MME: variants seen among roughly 807,000 people sequenced by gnomAD.
The protein encoded by MME is membrane metalloendopeptidase.
In MME, 98 loss-of-function variants were observed where a neutral mutation model predicts 113.2. That is an observed-to-expected ratio of 0.87 (90% CI 0.74 to 1.02). The LOEUF (loss-of-function observed/expected upper bound fraction) is 1.02, where lower values mean the gene tolerates loss of function less well. Ranked by LOEUF, MME falls within the 50% of genes least tolerant of loss-of-function variation. The pLI is 0.00. For missense variants in MME, 836 were observed against 896.0 expected (o/e 0.93, Z 0.86); for synonymous variants, 292 against 300.6 (o/e 0.97, Z 0.30).
At chr3:155,087,733 A>C (rs1279098733) in intron 3 of MME, among the ~76,000 whole-genome samples, 1 of 151,576 alleles carries the variant, frequency 6.6e-6, no homozygotes, top group East Asian at 1.9e-4. Flanking sequence ...CTTGAATTTT[A>C]TTTTCGAAGA....
rs1559970792 is a variant in MME, at chr3:155,180,347, GT to G, written c.2154-10del. On this transcript the variant is annotated splice_polypyrimidine_tract_variant and intron_variant, in intron 22 of 22. Transcript: ENST00000360490. Reference sequence around the variant, plus strand: ...TCAAATGCTGACGGTGACTTTTTTTGTTTGTTTCAAAGGATTATTGGGACTT... The same window carrying G: ...TCAAATGCTGACGGTGACTTTTTTTGTTGTTTCAAAGGATTATTGGGACTT... 1.8e-5 allele frequency: 29 copies of G among 1,608,024 alleles called. No individual in the cohort carries two copies. The highest frequency in any genetic ancestry group is 2.3e-5 in the Non-Finnish European group (27 of 1,174,620).
Position 155,147,144 on chromosome 3 carries a change from G to T in MME, c.1417G>T (p.Ala473Ser). ...ACATTCAATATTATAATTTTCATAG[G>T]CCTTAGCAATTAAAGAAAGGATCGG... ...AETKKRAEEK[A>S]LAIKERIGYP... is the part of the protein sequence containing the mutation. Residue 473 changes from alanine (A) to serine (S), a missense_variant and splice_region_variant, in exon 15 of 23, where the codon GCC (alanine) becomes TCC (serine). Ala to Ser is a moderately conservative substitution (Grantham distance 99). Transcript: ENST00000360490. 6.3e-7 allele frequency: 1 copy of T among 1,584,294 alleles called. No individual in the cohort carries two copies. The highest frequency in any genetic ancestry group is 1.1e-5 in the South Asian group (1 of 90,452).
At position 155,031,225 on chromosome 3, in the gene MME, C is replaced by G. The variant is rs542754775; in HGVS notation, c.-11+6901C>G. On this transcript the variant is annotated intron_variant, in intron 1 of 22. Transcript: ENST00000492661. ...ATCATCTGATATTAGGTCAATAAAT[C>G]ATAAGTGTCATTTATTAATTCCAGT... is the stretch of plus-strand genomic sequence containing the variant. 3.3e-5 allele frequency among the ~76,000 whole-genome samples: 5 copies of G among 152,180 alleles called. No individual in the cohort carries two copies. The South Asian group carries it at 8.3e-4, about 25-fold the overall frequency.
chr3:155,167,829 TG>T (rs1576667750), intron 18 of MME, among the ~76,000 whole-genome samples: 1 of 152,180 alleles, frequency 6.6e-6, no homozygotes, highest in East Asian at 1.9e-4. Flanking sequence ...ATGAAAGATT[TG>T]CCCAAAGGTA....
chr3:155,126,838 A>G (rs568431060), intron 8 of MME, among the ~76,000 whole-genome samples: 1 of 152,054 alleles, frequency 6.6e-6, no homozygotes, highest in Admixed American at 6.6e-5. Context: ...CATCTCTACT[A>G]AAAATACAAA....
At chr3:155,166,756 C>A in intron 17 of MME, 146 bp from the exon 18 acceptor site, 3 of 1,018,534 alleles carry the variant, frequency 2.9e-6, no homozygotes, top group Non-Finnish European at 4.5e-6. Context: ...CAAAGCCAAC[C>A]CCAAGCCTGC....
rs1718849556 is a variant in MME at position 155,118,827 on chromosome 3, A to T, written c.720+16A>T. The T allele has an allele frequency of 2.0e-6, 3 of 1,511,848 alleles. No homozygotes were observed. The highest frequency in any genetic ancestry group is 2.7e-6 in the Non-Finnish European group (3 of 1,095,050). 93.7% of individuals were successfully genotyped at this position (1,511,848 alleles called of 1,614,324 possible). A position where few individuals can be genotyped will look rare whatever the true frequency, so the allele number is the denominator to read the frequency against. On this transcript the variant is annotated intron_variant, in intron 8 of 22. Coordinates refer to ENST00000360490, the MANE Select transcript of MME (RefSeq NM_007289.4). ...CTATAAAGAGGTAAAAAGAAAAAAA[A>T]TAATCAAAACCAAACTACAAAATGA...
intron 7 of MME, among the ~76,000 whole-genome samples, chr3:155,118,273 C>A (rs1718793053): frequency 6.6e-6 from 1 of 152,140 alleles, no homozygotes; most frequent in Non-Finnish European, 1.5e-5. Context: ...CCCCATCCAT[C>A]CAAATCAACT....
upstream of MME, among the ~76,000 whole-genome samples, chr3:155,078,187 C>T (rs902676026): frequency 2.0e-5 from 3 of 152,080 alleles, no homozygotes; most frequent in African/African-American, 7.2e-5. Flanking sequence ...CACACCACTG[C>T]ACTCCAGCCT....
At position 155,172,105 on chromosome 3, in the gene MME, T is replaced by G; in HGVS notation, c.1981-12T>G. The G allele has an allele frequency of 1.3e-6, 2 of 1,483,548 alleles. No homozygotes were observed. Among genetic ancestry groups the G allele is most frequent in the Non-Finnish European group, 1.9e-6 (2 of 1,062,106 alleles). 91.9% of individuals were successfully genotyped at this position (1,483,548 alleles called of 1,614,324 possible). On this transcript the variant is annotated splice_polypyrimidine_tract_variant and intron_variant, in intron 20 of 22. Coordinates refer to ENST00000360490, the MANE Select transcript of MME (RefSeq NM_007289.4). ...TTAATATTATTGTTTTTCTATTTTA[T>G]CAACTGCCTAGGCCTATCAGAATTA...
chr3:155,115,079 T>C lies in MME; in HGVS notation c.282T>C (p.Arg94=). The change falls in exon 4 of 23, where the codon CGT becomes CGC. Residue 94 remains arginine (R), a synonymous_variant. Coordinates refer to ENST00000360490, the MANE Select transcript of MME (RefSeq NM_007289.4). ...ATGCTTGCGGAGGCTGGTTGAAACGTAATGTCATTCCCGAGACCAGCTCCC... is the reference window on the plus strand; with the variant it reads ...ATGCTTGCGGAGGCTGGTTGAAACGCAATGTCATTCCCGAGACCAGCTCCC... The part of the protein sequence containing the change: ...FKYACGGWLK[R]NVIPETSSRY... 1.2e-6 allele frequency: 2 copies of C among 1,614,170 alleles called. No individual in the cohort carries two copies. The highest frequency in any genetic ancestry group is 1.7e-6 in the Non-Finnish European group (2 of 1,180,022).
chr3:155,067,773 TTGAC>T (rs1714433433), intron 1 of MME, among the ~76,000 whole-genome samples: 1 of 152,144 alleles, frequency 6.6e-6, no homozygotes, highest in Non-Finnish European at 1.5e-5. Context: ...ACTAAAAAGA[TTGAC>T]TGTACCAAGA....
chr3:155,084,489 A>G, intron 2 of MME, 162 bp downstream of exon 2: 1 of 737,560 alleles, frequency 1.4e-6, no homozygotes, highest in Non-Finnish European at 2.3e-6. Flanking sequence ...CAAAATAATT[A>G]ACTTTGAAGT....
chr3:155,110,555 AG>A (rs1234712821), intron 3 of MME, among the ~76,000 whole-genome samples: 1 of 152,248 alleles, frequency 6.6e-6, no homozygotes, highest in African/African-American at 2.4e-5. Context: ...CAAGAAGATT[AG>A]TTAGAAAGAA....
intron 8 of MME, among the ~76,000 whole-genome samples, chr3:155,124,770 G>A (rs1164506371): frequency 1.3e-5 from 2 of 151,964 alleles, no homozygotes; most frequent in African/African-American, 2.4e-5. Context: ...GAGGCAGTCT[G>A]CCGGTTCTCA....
At chr3:155,172,419 A>G in intron 21 of MME, 117 bp from the exon 22 acceptor site, 1 of 890,298 alleles carries the variant, frequency 1.1e-6, no homozygotes, top group Non-Finnish European at 1.9e-6. Flanking sequence ...TGAAGAGCGA[A>G]TGGTTGAGGA....
intron 7 of MME, among the ~76,000 whole-genome samples, chr3:155,118,129 G>T (rs1250157184): frequency 6.6e-6 from 1 of 152,196 alleles, no homozygotes; most frequent in Non-Finnish European, 1.5e-5. Flanking sequence ...GAGCAGAGCA[G>T]CTTTGAGGAG....
chr3:155,037,549 C>T (rs1023570514), intron 1 of MME, among the ~76,000 whole-genome samples: 8 of 151,816 alleles, frequency 5.3e-5, no homozygotes, highest in Admixed American at 1.3e-4. Flanking sequence ...TCACAGAGAA[C>T]GGGGGTAGGA....
At chr3:155,047,928 G>A (rs1713616032) in intron 1 of MME, among the ~76,000 whole-genome samples, 1 of 152,150 alleles carries the variant, frequency 6.6e-6, no homozygotes, top group South Asian at 2.1e-4. Context: ...TGTTGCTCAT[G>A]TATTTATGGT....
Sources: allele counts gnomAD v4.1 joint callset (sites outside exome capture counted in the v4.1 genomes callset), GRCh38; gene constraint gnomAD v4.1.1; transcripts MANE v1.5; gene names NCBI Gene and HGNC (gene_info 2026-07-23, HGNC 2026-07-21).